P2RX4: variants seen among roughly 807,000 people sequenced by gnomAD.
The protein encoded by P2RX4 is P2X purinoceptor 4.
Under a neutral mutation model 48.0 loss-of-function variants are expected in P2RX4, and 37 were observed. The observed-to-expected ratio is 0.77, with a 90% confidence interval of 0.59 to 1.01. The LOEUF (loss-of-function observed/expected upper bound fraction) is 1.01. Among genes scored for constraint, P2RX4 ranks in the 50% least tolerant of loss-of-function variants. The pLI, the probability that P2RX4 is intolerant of heterozygous loss-of-function variation, is 0.00. For synonymous variants in P2RX4, 200 were observed against 199.7 expected (o/e 1.00, Z -0.01); for missense variants, 501 against 521.4 (o/e 0.96, Z 0.38).
rs1886637638 is a variant in P2RX4 at position 121,221,904 on chromosome 12, C to T, written c.283-9C>T. The T allele has an allele frequency of 6.2e-7, 1 of 1,613,950 alleles. No homozygotes were observed. The highest frequency in any genetic ancestry group is 8.5e-7 in the Non-Finnish European group (1 of 1,179,810). On this transcript the variant is annotated splice_polypyrimidine_tract_variant and intron_variant, in intron 2 of 11. Transcript: ENST00000337233. ...AGCGTGGCTTGCCCGTGCTGTCTCC[C>T]CTCTGCAGGAGGAAAACTCCCTCTT...
chr12:121,221,156 C>G (rs2686389), intron 2 of P2RX4, among the ~76,000 whole-genome samples: 31,977 of 112,236 alleles, frequency 0.28, 3,693 homozygotes, highest in South Asian at 0.36. Flanking sequence ...GTGCGTGTGT[C>G]TGTGTGTGTT....
intron 4 of P2RX4, chr12:121,222,402 TTTTTTTTGTTTTG>T (rs1202887258): frequency 2.4e-5 from 13 of 546,654 alleles, no homozygotes; most frequent in Non-Finnish European, 4.2e-5. Context: ...TTTCTTGTTT[TTTTTTTTGTTTTG>T]TTTTTTTGTT....
intron 2 of P2RX4, among the ~76,000 whole-genome samples, chr12:121,219,619 A>ATG (rs1566001886): frequency 0.045 from 3,527 of 79,012 alleles, 53 homozygotes; most frequent in South Asian, 0.085. Flanking sequence ...ATGGATGGAT[A>ATG]GATAGATAGA....
Position 121,232,987 on chromosome 12 carries a change from C to A in P2RX4, c.1045-10C>A. 1.9e-6 allele frequency: 3 copies of A among 1,602,336 alleles called. No homozygotes were observed. Among genetic ancestry groups the A allele is most frequent in the South Asian group, 1.1e-5 (1 of 90,858 alleles). On this transcript the variant is annotated splice_polypyrimidine_tract_variant and intron_variant, in intron 10 of 11. Transcript: ENST00000337233. This position sits in a 1 kb window ranked among gnomAD's most constrained non-coding sequence, Gnocchi z 4.3. ...CATCCTGGCTCACTCTCACCCTATG[C>A]TAAACTCAGGCGACCGTGCTGTGTG...
intron 5 of P2RX4, 74 bp from the exon 6 acceptor site, chr12:121,228,459 A>G (rs181252773): frequency 2.7e-4 from 203 of 746,960 alleles, no homozygotes; most frequent in Middle Eastern, 1.2e-3. Context: ...ATGTGTGTAT[A>G]TATATATATA....
intron 11 of P2RX4, 30 bp downstream of exon 11, chr12:121,233,122 A>T (rs1283388433): frequency 6.8e-7 from 1 of 1,479,604 alleles, no homozygotes; most frequent in Non-Finnish European, 9.4e-7. Context: ...CAGCAGGCAC[A>T]GGCCTCTCAT....
chr12:121,222,775 T>C, intron 4 of P2RX4, 172 bp from the exon 5 acceptor site: 5 of 1,531,600 alleles, frequency 3.3e-6, no homozygotes, highest in Non-Finnish European at 4.4e-6. Context: ...CAGGTAACTG[T>C]CTTCCTCCGA....
intron 5 of P2RX4, among the ~76,000 whole-genome samples, chr12:121,225,394 T>G (rs1287417238): frequency 6.6e-6 from 1 of 150,532 alleles, no homozygotes; most frequent in African/African-American, 2.4e-5. Flanking sequence ...TATTATTTAT[T>G]TATTTTTTAT....
intron 1 of P2RX4, 127 bp from the exon 2 acceptor site, chr12:121,217,007 G>A (rs767806281): frequency 1.1e-5 from 10 of 951,076 alleles, no homozygotes; most frequent in Admixed American, 1.7e-5. Flanking sequence ...TAGAAGGTAC[G>A]TAGCTTGTAG....
At chr12:121,216,764 G>C (rs568497577) in intron 1 of P2RX4, 31 of 532,706 alleles carry the variant, frequency 5.8e-5, no homozygotes, top group African/African-American at 5.4e-4. Flanking sequence ...AGGTTGCAGT[G>C]AGCCAAGATC....
At position 121,232,004 on chromosome 12, in the gene P2RX4, C is replaced by CA. The variant is rs34995184; in HGVS notation, c.885-391dup. On this transcript the variant is annotated intron_variant, in intron 8 of 11. Coordinates refer to ENST00000337233, the MANE Select transcript of P2RX4 (RefSeq NM_002560.3). The surrounding 1 kb of genome is among the most constrained non-coding windows in gnomAD (Gnocchi z 4.3). ...CTGGCAACAGAGGGAGACTCCATCT[C>CA]AAAAAAAAAAAAAAAAAAAGTCCCT... Among the ~76,000 whole-genome samples the CA allele has an allele frequency of 0.5, 47,026 of 94,154 alleles. 11,562 individuals carry two copies. The highest frequency in any genetic ancestry group is 0.52 in the Non-Finnish European group (25,527 of 49,132). 61.8% of individuals were successfully genotyped at this position (94,154 alleles called of 152,430 possible). A position where few individuals can be genotyped will look rare whatever the true frequency, so the allele number is the denominator to read the frequency against.
rs780320061 is a variant in P2RX4 at position 121,210,197 on chromosome 12, C to T, written c.33C>T (p.Phe11=). The T allele has an allele frequency of 1.0e-5, 16 of 1,545,488 alleles. No homozygotes were observed. Among genetic ancestry groups the T allele is most frequent in the Non-Finnish European group, 1.3e-5 (15 of 1,152,132 alleles). ...GCTGCTGCGCCGCGCTGGCGGCCTT[C>T]CTGTTCGAGTACGACACGCCGCGCA... is the stretch of plus-strand genomic sequence containing the variant. MAGCCAALAA[F]LFEYDTPRIV... is the part of the protein sequence containing the mutation. The change falls in exon 1 of 12, where the codon TTC becomes TTT. Residue 11 remains phenylalanine, a synonymous_variant. Coordinates refer to ENST00000337233, the MANE Select transcript of P2RX4 (RefSeq NM_002560.3).
At chr12:121,221,814 G>T (rs945782534) in intron 2 of P2RX4, 99 bp from the exon 3 acceptor site, 7 of 924,564 alleles carry the variant, frequency 7.6e-6, no homozygotes, top group Non-Finnish European at 1.1e-5. Flanking sequence ...GAGAGCACGC[G>T]GTCAGTGTTT....
intron 4 of P2RX4, 62 bp downstream of exon 4, chr12:121,222,228 G>A (rs1886668416): frequency 8.9e-6 from 10 of 1,120,362 alleles, no homozygotes; most frequent in Non-Finnish European, 1.2e-5. Context: ...ACTGTGGAGC[G>A]TCTCTGATAG....
chr12:121,218,926 G>A (rs1181630115), intron 2 of P2RX4, among the ~76,000 whole-genome samples: 7 of 151,994 alleles, frequency 4.6e-5, no homozygotes, highest in East Asian at 3.9e-4. Flanking sequence ...TTTGGAGGCC[G>A]AGGCAGAAGG....
intron 1 of P2RX4, chr12:121,216,248 G>T (rs1012177323): frequency 2.6e-5 from 4 of 152,372 alleles, no homozygotes; most frequent in African/African-American, 9.6e-5. Context: ...GTGGGTGAGA[G>T]AAGAGGCTTC....
chr12:121,226,263 G>T (rs908270722), intron 5 of P2RX4, among the ~76,000 whole-genome samples: 1 of 152,050 alleles, frequency 6.6e-6, no homozygotes, highest in African/African-American at 2.4e-5. Flanking sequence ...AATAACATTG[G>T]CCAGGCACAG....
At chr12:121,222,459 C>CTGGAG in intron 4 of P2RX4, 2 of 466,998 alleles carry the variant, frequency 4.3e-6, no homozygotes, top group Non-Finnish European at 7.8e-6. Flanking sequence ...GTCACCCAAA[C>CTGGAG]TGGAGTGCAA....
chr12:121,220,214 G>A (rs1886507865), intron 2 of P2RX4, among the ~76,000 whole-genome samples: 1 of 152,160 alleles, frequency 6.6e-6, no homozygotes, highest in Non-Finnish European at 1.5e-5. Flanking sequence ...AGATAATCTG[G>A]TTGGCAGGGA....
Sources: gnomAD v4.1 joint callset for allele counts (sites outside exome capture counted in the v4.1 genomes callset) on GRCh38, gnomAD v4.1.1 for gene constraint, Gnocchi (gnomAD v3.1) non-coding constraint, MANE v1.5 for transcripts, NCBI Gene and HGNC (gene_info 2026-07-23, HGNC 2026-07-21) for gene names.